The following CYTH3 variants were observed in gnomAD, a reference collection of about 807,000 sequenced individuals.
The protein encoded by CYTH3 is cytohesin-3.
CYTH3 carries 23 observed loss-of-function variants against 55.1 expected under a neutral mutation model. The ratio of observed to expected loss-of-function variants is 0.42; its 90% CI spans 0.30 to 0.59. The LOEUF (loss-of-function observed/expected upper bound fraction) is 0.59. Among genes scored for constraint, CYTH3 ranks in the 20% least tolerant of loss-of-function variants. CYTH3 has a pLI of 0.20. For synonymous variants in CYTH3, 249 were observed against 194.9 expected (o/e 1.28, Z -2.31); for missense variants, 413 against 524.8 (o/e 0.79, Z 2.08).
At position 6,217,102 on chromosome 7, in the gene CYTH3, A is replaced by G. The variant is rs1374979056; in HGVS notation, c.35-26571T>C. ...TAATTTTTCTATTTTTAGTAGAGAC[A>G]GGGTTTCACCATGTTGGCCAGGCTG... On this transcript the variant is annotated intron_variant, in intron 1 of 12. Transcript: ENST00000350796. Among the ~76,000 whole-genome samples the G allele has an allele frequency of 3.3e-5, 5 of 152,210 alleles. No individual in the cohort carries two copies. In the East Asian group the frequency reaches 5.8e-4, roughly 18 times the overall value.
chr7:6,261,115 C>T (rs1780341194), intron 1 of CYTH3, among the ~76,000 whole-genome samples: 1 of 152,042 alleles, frequency 6.6e-6, no homozygotes, highest in Non-Finnish European at 1.5e-5. Flanking sequence ...GGCCAGGATT[C>T]CAGAGGGAAA....
In CYTH3 at chr7:6,193,331, C is replaced by T. The variant is rs193095090; in HGVS notation, c.35-2800G>A. On this transcript the variant is annotated intron_variant, in intron 1 of 12. Coordinates refer to ENST00000350796, the MANE Select transcript of CYTH3 (RefSeq NM_004227.4). ...CCATTAGGTTGCACTGAGCCAAGAT[C>T]GTGCCACTGCACTCTAGCCTGGGCG... Among the ~76,000 whole-genome samples, 6 of 150,592 alleles carry T rather than the reference C, an allele frequency of 4.0e-5. No individual in the cohort carries two copies. The East Asian group carries it at 1.2e-3, about 29-fold the overall frequency.
intron 1 of CYTH3, among the ~76,000 whole-genome samples, chr7:6,229,562 C>T (rs982180173): frequency 1.3e-5 from 2 of 151,286 alleles, no homozygotes; most frequent in African/African-American, 4.9e-5. Flanking sequence ...GTAATCCCAG[C>T]ACTTTGGGAG....
At chr7:6,224,030 A>G (rs1443854097) in intron 1 of CYTH3, among the ~76,000 whole-genome samples, 2 of 152,026 alleles carry the variant, frequency 1.3e-5, no homozygotes, top group African/African-American at 4.8e-5. Context: ...TATCCTATTC[A>G]CATATTTTTC....
At chr7:6,240,880 C>T (rs11981940) in intron 1 of CYTH3, among the ~76,000 whole-genome samples, 6,948 of 151,998 alleles carry the variant, frequency 0.046, 525 homozygotes, top group African/African-American at 0.16. Flanking sequence ...CTTTGGAAGG[C>T]CAAGGCGGGT....
intron 1 of CYTH3, among the ~76,000 whole-genome samples, chr7:6,221,637 G>A (rs987252577): frequency 6.6e-6 from 1 of 152,164 alleles, no homozygotes; most frequent in South Asian, 2.1e-4. Flanking sequence ...TGAAGGGCAA[G>A]TGGAACCTTT....
At position 6,170,397 on chromosome 7, in the gene CYTH3, C is replaced by T; in HGVS notation, c.823+138G>A. 1.3e-6 allele frequency: 1 copy of T among 777,796 alleles called. No individual in the cohort carries two copies. Among genetic ancestry groups the T allele is most frequent in the East Asian group, 2.8e-5 (1 of 36,332 alleles). The allele number at this position is 777,796 out of a possible 1,614,324, so 48.2% of individuals were successfully genotyped here. On this transcript the variant is annotated intron_variant, in intron 9 of 12. Transcript: ENST00000350796. The surrounding 1 kb of genome is among the most constrained non-coding windows in gnomAD (Gnocchi z 7.8). ...TGGCCATGCAGCTACCGAGAGCGGG[C>T]TCTGGCTTAACCGCGTTTCTTTTTA...
At chr7:6,224,714 C>A (rs1283524287) in intron 1 of CYTH3, among the ~76,000 whole-genome samples, 1 of 152,144 alleles carries the variant, frequency 6.6e-6, no homozygotes, top group Non-Finnish European at 1.5e-5. Context: ...TACGTATATA[C>A]CCAAAGAGCT....
chr7:6,176,944 A>G (rs749578956), intron 5 of CYTH3, among the ~76,000 whole-genome samples: 1 of 152,194 alleles, frequency 6.6e-6, no homozygotes, highest in Non-Finnish European at 1.5e-5. Context: ...AGTTCTGTCA[A>G]ATGCTTTTCC....
intron 1 of CYTH3, among the ~76,000 whole-genome samples, chr7:6,250,397 A>G (rs889533371): frequency 2.6e-5 from 4 of 152,214 alleles, no homozygotes; most frequent in African/African-American, 9.6e-5. Context: ...AAGATAGCAC[A>G]CAGCCACAGA....
intron 4 of CYTH3, among the ~76,000 whole-genome samples, chr7:6,181,673 T>C (rs571054942): frequency 1.3e-5 from 2 of 152,366 alleles, no homozygotes; most frequent in Non-Finnish European, 1.5e-5. Context: ...TTCTAAAATA[T>C]TCCAAGATTT....
chr7:6,256,421 G>A (rs1780107476), intron 1 of CYTH3, among the ~76,000 whole-genome samples: 1 of 152,170 alleles, frequency 6.6e-6, no homozygotes, highest in African/African-American at 2.4e-5. Context: ...CCCCTTTACA[G>A]GTATAACAGA....
chr7:6,246,080 ATTTTT>A (rs796237115), intron 1 of CYTH3, among the ~76,000 whole-genome samples: 1 of 148,668 alleles, frequency 6.7e-6, no homozygotes, highest in African/African-American at 2.5e-5. Context: ...ATAATTTTTA[ATTTTT>A]TTTTTTAACT....
chr7:6,190,157 T>G (rs939317617), intron 2 of CYTH3, among the ~76,000 whole-genome samples: 5 of 152,240 alleles, frequency 3.3e-5, no homozygotes, highest in Admixed American at 6.5e-5. Flanking sequence ...ATACGCTGCC[T>G]GTGGCCCTGG....
chr7:6,208,657 C>T (rs1197910296), intron 1 of CYTH3, among the ~76,000 whole-genome samples: 1 of 152,214 alleles, frequency 6.6e-6, no homozygotes, highest in Non-Finnish European at 1.5e-5. Flanking sequence ...AATCACCCTG[C>T]CTCAGCCTCC....
intron 4 of CYTH3, among the ~76,000 whole-genome samples, chr7:6,181,028 T>C (rs1783491578): frequency 6.6e-6 from 1 of 152,216 alleles, no homozygotes; most frequent in Non-Finnish European, 1.5e-5. Flanking sequence ...CTTTATTCAA[T>C]GTTTGTTAAT....
intron 1 of CYTH3, among the ~76,000 whole-genome samples, chr7:6,225,354 A>T (rs1051731053): frequency 5.9e-4 from 84 of 143,420 alleles, no homozygotes; most frequent in African/African-American, 1.6e-3. Context: ...AGGAAAAAAA[A>T]TTTTTTTTTT....
intron 1 of CYTH3, among the ~76,000 whole-genome samples, chr7:6,222,394 A>C (rs1784572877): frequency 6.6e-6 from 1 of 152,264 alleles, no homozygotes; most frequent in Middle Eastern, 3.4e-3. Flanking sequence ...TGAAGAGAGG[A>C]GTCATTAACA....
intron 1 of CYTH3, among the ~76,000 whole-genome samples, chr7:6,221,809 A>T (rs577936920): frequency 3.3e-5 from 5 of 152,144 alleles, no homozygotes; most frequent in Non-Finnish European, 7.4e-5. Flanking sequence ...GAAATTAGCC[A>T]GACATAGTGA....
Sources: gnomAD v4.1 joint callset for allele counts (sites outside exome capture counted in the v4.1 genomes callset) on GRCh38, gnomAD v4.1.1 for gene constraint, Gnocchi (gnomAD v3.1) non-coding constraint, MANE v1.5 for transcripts, NCBI Gene and HGNC (gene_info 2026-07-23, HGNC 2026-07-21) for gene names.